Variants in BRAF observed in about 807,000 individuals in gnomAD.
BRAF encodes the protein B-Raf proto-oncogene, serine/threonine kinase.
In BRAF, 16 loss-of-function variants were observed where a neutral mutation model predicts 104.6. The ratio of observed to expected loss-of-function variants is 0.15; its 90% confidence interval spans 0.10 to 0.23. The LOEUF is 0.23. BRAF is among the 10% of genes least tolerant of loss of function. The probability of loss-of-function intolerance (pLI) is 1.00; values close to 1 mark genes in which losing one functional copy is unlikely to be tolerated. For synonymous variants in BRAF, 310 were observed against 341.6 expected (o/e 0.91, Z 1.02); for missense variants, 541 against 937.3 (o/e 0.58, Z 5.52).
At position 140,818,867 on chromosome 7, in the gene BRAF, C is replaced by A. The variant is rs191778649; in HGVS notation, c.505-9872G>T. 7.9e-5 allele frequency among the ~76,000 whole-genome samples: 12 copies of A among 152,256 alleles called. No individual in the cohort carries two copies. The East Asian group carries it at 1.2e-3, about 15-fold the overall frequency. On this transcript the variant is annotated intron_variant, in intron 3 of 19. Transcript: ENST00000644969. ...TTTGAAGATAGCTTATCTAGTCTACCTTATACTGAAGACAGCTTACCTATC... is the reference window on the plus strand; with the variant it reads ...TTTGAAGATAGCTTATCTAGTCTACATTATACTGAAGACAGCTTACCTATC...
intron 1 of BRAF, among the ~76,000 whole-genome samples, chr7:140,887,564 A>G (rs979622061): frequency 1.3e-5 from 2 of 151,860 alleles, no homozygotes; most frequent in Non-Finnish European, 2.9e-5. Flanking sequence ...AAATTGAACA[A>G]TAAGTTACAA....
intron 1 of BRAF, among the ~76,000 whole-genome samples, chr7:140,868,097 C>T (rs1465176684): frequency 6.6e-6 from 1 of 152,178 alleles, no homozygotes; most frequent in African/African-American, 2.4e-5. Context: ...CCTAAAACCA[C>T]CACTGGTCAC....
At chr7:140,838,329 C>A (rs1285439462) in intron 2 of BRAF, among the ~76,000 whole-genome samples, 3 of 152,048 alleles carry the variant, frequency 2.0e-5, no homozygotes, top group Non-Finnish European at 4.4e-5. Context: ...TGAGATAACA[C>A]AAGTAAAACA....
At chr7:140,759,123 T>G (rs1012384015) in intron 14 of BRAF, among the ~76,000 whole-genome samples, 1 of 152,242 alleles carries the variant, frequency 6.6e-6, no homozygotes, top group Non-Finnish European at 1.5e-5. Flanking sequence ...ATTTACTTAT[T>G]GGACACTGTG....
At chr7:140,910,917 A>C (rs1015695871) in intron 1 of BRAF, among the ~76,000 whole-genome samples, 1 of 152,174 alleles carries the variant, frequency 6.6e-6, no homozygotes, top group African/African-American at 2.4e-5. Context: ...GTCCCGCCTC[A>C]GCCTCCCATA....
intron 2 of BRAF, 27 bp downstream of exon 2, chr7:140,850,084 T>G (rs771971946): frequency 6.7e-7 from 1 of 1,485,310 alleles, no homozygotes; most frequent in Non-Finnish European, 9.4e-7. Flanking sequence ...TTTTCAAAAT[T>G]ACTAGATATG....
chr7:140,861,279 G>A (rs1810388070), intron 1 of BRAF, among the ~76,000 whole-genome samples: 1 of 152,160 alleles, frequency 6.6e-6, no homozygotes, highest in Non-Finnish European at 1.5e-5. Flanking sequence ...TACAAATGAG[G>A]GGTGCAAACT....
At position 140,777,085 on chromosome 7, in the gene BRAF, T is replaced by C. The variant is rs765463149; in HGVS notation, c.1641A>G (p.Lys547=). Residue 547 remains lysine (K), a synonymous_variant, in exon 14 of 20, where the codon AAA becomes AAG. Coordinates refer to ENST00000644969, the MANE Select transcript of BRAF (RefSeq NM_001374258.1). ...AFKNEVGVLR[K]TRHVNILLFM... is the part of the protein sequence containing the mutation. ...AGAGTAGGATATTCACATGTCGTGT[T>C]TTCCTGTACAAAGAAATGTGACAGT... 1.2e-6 allele frequency: 2 copies of C among 1,613,894 alleles called. No homozygotes were observed. Among genetic ancestry groups the C allele is most frequent in the Non-Finnish European group, 1.7e-6 (2 of 1,179,820 alleles).
chr7:140,761,067 A>C (rs1224221690), intron 14 of BRAF, among the ~76,000 whole-genome samples: 4 of 152,174 alleles, frequency 2.6e-5, no homozygotes, highest in African/African-American at 9.7e-5. Context: ...TGAGAAGAGC[A>C]ACTCCAAGAC....
At chr7:140,743,236 G>A (rs951803951) in intron 17 of BRAF, among the ~76,000 whole-genome samples, 2 of 151,392 alleles carry the variant, frequency 1.3e-5, no homozygotes, top group South Asian at 2.1e-4. Flanking sequence ...TATACCCAAA[G>A]GACTATAAAT....
intron 3 of BRAF, among the ~76,000 whole-genome samples, chr7:140,822,965 G>C (rs1447923250): frequency 6.6e-6 from 1 of 152,118 alleles, no homozygotes; most frequent in Non-Finnish European, 1.5e-5. Flanking sequence ...TAGGACTACA[G>C]ATGTACACCA....
chr7:140,838,027 C>T (rs190063052), intron 2 of BRAF, among the ~76,000 whole-genome samples: 2 of 152,208 alleles, frequency 1.3e-5, no homozygotes, highest in East Asian at 3.9e-4. Context: ...CTAATATGAG[C>T]AAGCCACTCC....
At chr7:140,822,544 A>AT (rs1475885611) in intron 3 of BRAF, 1 of 152,174 alleles carries the variant, frequency 6.6e-6, no homozygotes, top group Non-Finnish European at 1.5e-5. Context: ...ACGTGTAATC[A>AT]TTTTTTGTCT....
intron 3 of BRAF, among the ~76,000 whole-genome samples, chr7:140,832,129 A>G (rs899272136): frequency 2.6e-5 from 4 of 152,144 alleles, no homozygotes; most frequent in African/African-American, 9.7e-5. Context: ...CTTTACTATC[A>G]TTTCAATGAA....
At position 140,751,849 on chromosome 7, in the gene BRAF, T is replaced by C. The variant is rs565744363; in HGVS notation, c.1980+1426A>G. ...TGGCTTTGAAAGCCCTTACAACTTT[T>C]CTGTTTCCAGCAGGGTGCCCGAAAG... On this transcript the variant is annotated intron_variant, in intron 16 of 19. Transcript: ENST00000644969. Among the ~76,000 whole-genome samples, 5 of 152,318 alleles carry C rather than the reference T, an allele frequency of 3.3e-5. No homozygotes were observed. The East Asian group carries it at 9.6e-4, about 29-fold the overall frequency.
chr7:140,720,551 G>A lies in BRAF; in HGVS notation c.*5943C>T, dbSNP rs749383161. Reference sequence around the variant, plus strand: ...GGAAGGAATGATTCTTAAAAAAACCGTTCACAGCTTAGAATAAAAAGCATA... The same window carrying A: ...GGAAGGAATGATTCTTAAAAAAACCATTCACAGCTTAGAATAAAAAGCATA... On this transcript the variant is annotated 3_prime_UTR_variant, in exon 20 of 20. Coordinates refer to ENST00000644969, the MANE Select transcript of BRAF (RefSeq NM_001374258.1). 5.7e-5 allele frequency: 61 copies of A among 1,064,858 alleles called. No individual in the cohort carries two copies. The highest frequency in any genetic ancestry group is 3.8e-4 in the African/African-American group (23 of 61,132). The allele number at this position is 1,064,858 out of a possible 1,614,324, so 66.0% of individuals were successfully genotyped here. A position where few individuals can be genotyped will look rare whatever the true frequency, so the allele number is the denominator to read the frequency against.
At chr7:140,786,896 T>A (rs971935770) in intron 9 of BRAF, among the ~76,000 whole-genome samples, 4 of 152,194 alleles carry the variant, frequency 2.6e-5, no homozygotes, top group African/African-American at 7.2e-5. Context: ...AAATTAAGGA[T>A]CTTTCCTTGG....
rs1801079667 is a variant in BRAF, at chr7:140,783,520, A to G, written c.1298-363T>C. On this transcript the variant is annotated intron_variant, in intron 10 of 19. Coordinates refer to ENST00000644969, the MANE Select transcript of BRAF (RefSeq NM_001374258.1). Reference sequence around the variant, plus strand: ...AAAAATCAAAAAGCAAAATAAATGTAAAAGCCTATATAACAAATACATTTT... The same window carrying G: ...AAAAATCAAAAAGCAAAATAAATGTGAAAGCCTATATAACAAATACATTTT... 12 of 240,248 alleles carry G rather than the reference A, an allele frequency of 5.0e-5. No individual in the cohort carries two copies. The East Asian group carries it at 7.3e-4, about 15-fold the overall frequency. 14.9% of individuals were successfully genotyped at this position (240,248 alleles called of 1,614,324 possible).
downstream of BRAF, among the ~76,000 whole-genome samples, chr7:140,718,905 G>A (rs1003672885): frequency 3.3e-5 from 5 of 152,192 alleles, no homozygotes; most frequent in Admixed American, 6.5e-5. Flanking sequence ...ATGTTAGCGT[G>A]CGTGTGCTGT....
Sources: allele counts gnomAD v4.1 joint callset (sites outside exome capture counted in the v4.1 genomes callset), GRCh38; gene constraint gnomAD v4.1.1; transcripts MANE v1.5; gene names NCBI Gene and HGNC (gene_info 2026-07-23, HGNC 2026-07-21).